The following SLC25A48 variants were observed in gnomAD, a reference collection of about 807,000 sequenced individuals.
SLC25A48 encodes solute carrier family 25 member 48.
A neutral mutation model predicts 32.2 loss-of-function variants in SLC25A48; 29 were observed. The observed-to-expected ratio is 0.90, with a 90% CI of 0.67 to 1.23. The LOEUF (loss-of-function observed/expected upper bound fraction) is 1.23, where lower values mean the gene tolerates loss of function less well. SLC25A48 is among the 50% of genes most tolerant of loss of function. The pLI is 0.00. For missense variants in SLC25A48, 399 were observed against 422.7 expected, an observed-to-expected ratio of 0.94 and a Z score of 0.49; for synonymous variants, 164 against 172.3, an observed-to-expected ratio of 0.95 and a Z score of 0.38.
intron 3 of SLC25A48, among the ~76,000 whole-genome samples, chr5:135,792,077 C>G (rs1580885193): frequency 6.6e-6 from 1 of 151,640 alleles, no homozygotes; most frequent in East Asian, 1.9e-4. Flanking sequence ...GGATATTACT[C>G]CTAATGTCAC....
At chr5:135,841,020 T>C (rs1580960876) in intron 1 of SLC25A48, among the ~76,000 whole-genome samples, 1 of 152,240 alleles carries the variant, frequency 6.6e-6, no homozygotes, top group Non-Finnish European at 1.5e-5. Flanking sequence ...GCTGTATGAT[T>C]TTACATTTCT....
At chr5:135,594,610 G>A (rs552569833) in intron 1 of SLC25A48, among the ~76,000 whole-genome samples, 1 of 152,318 alleles carries the variant, frequency 6.6e-6, no homozygotes, top group South Asian at 2.1e-4. Context: ...GGGGGGTCAT[G>A]GTTGAACTAA....
intron 1 of SLC25A48, among the ~76,000 whole-genome samples, chr5:135,617,575 G>C (rs1055812994): frequency 6.6e-6 from 1 of 150,870 alleles, no homozygotes; most frequent in Non-Finnish European, 1.5e-5. Flanking sequence ...ACTTTTTTGA[G>C]GTACTCATCT....
intron 3 of SLC25A48, among the ~76,000 whole-genome samples, chr5:135,796,336 T>C (rs1331977069): frequency 2.6e-5 from 4 of 151,716 alleles, no homozygotes; most frequent in Non-Finnish European, 5.9e-5. Context: ...TGCACCCCCC[T>C]GTGATATGGT....
intron 3 of SLC25A48, among the ~76,000 whole-genome samples, chr5:135,793,214 G>C: frequency 6.6e-6 from 1 of 151,544 alleles, no homozygotes; most frequent in South Asian, 2.1e-4. Context: ...GTACACCCTG[G>C]ATGTTATTTA....
intron 2 of SLC25A48, among the ~76,000 whole-genome samples, chr5:135,631,434 CT>C (rs1752567048): frequency 6.6e-6 from 1 of 152,192 alleles, no homozygotes; most frequent in Non-Finnish European, 1.5e-5. Flanking sequence ...TATTGGCAGC[CT>C]TTTATCTTCA....
At chr5:135,630,656 C>CAGTG (rs1752538967) in intron 2 of SLC25A48, among the ~76,000 whole-genome samples, 2 of 117,280 alleles carry the variant, frequency 1.7e-5, no homozygotes, top group Non-Finnish European at 3.2e-5. Flanking sequence ...GGCTGGAGTG[C>CAGTG]AGTGGAGTGA....
chr5:135,852,422 C>A, intron 3 of SLC25A48, 141 bp from the exon 4 acceptor site: 1 of 1,040,748 alleles, frequency 9.6e-7, no homozygotes, highest in Non-Finnish European at 1.4e-6. Context: ...CCACCCCCTA[C>A]CTCCTGTCGC....
intron 4 of SLC25A48, among the ~76,000 whole-genome samples, chr5:135,858,141 C>T (rs913018967): frequency 2.0e-5 from 3 of 152,186 alleles, no homozygotes; most frequent in African/African-American, 4.8e-5. Context: ...CTTAAATAAA[C>T]CCCCGAGGCA....
intron 3 of SLC25A48, among the ~76,000 whole-genome samples, chr5:135,727,260 C>T (rs4976325): frequency 0.43 from 61,743 of 144,900 alleles, 14,571 homozygotes; most frequent in Non-Finnish European, 0.54. Context: ...GTAAAAAAAA[C>T]ACTCTAAAAT....
At chr5:135,867,070 G>A (rs1218554720) in intron 4 of SLC25A48, among the ~76,000 whole-genome samples, 1 of 152,166 alleles carries the variant, frequency 6.6e-6, no homozygotes, top group Non-Finnish European at 1.5e-5. Flanking sequence ...GGTCTCAAAT[G>A]CAAAGCATTC....
intron 1 of SLC25A48, among the ~76,000 whole-genome samples, chr5:135,614,267 A>G (rs1752137918): frequency 6.6e-6 from 1 of 152,082 alleles, no homozygotes; most frequent in African/African-American, 2.4e-5. Context: ...TGATTTTTGT[A>G]TATTGATTTG....
At chr5:135,618,865 G>A (rs1202520095) in intron 1 of SLC25A48, among the ~76,000 whole-genome samples, 1 of 149,624 alleles carries the variant, frequency 6.7e-6, no homozygotes, top group Non-Finnish European at 1.5e-5. Flanking sequence ...TCTTCTGTTA[G>A]TCTGATAGGG....
At chr5:135,798,000 C>A (rs1472248462) in intron 3 of SLC25A48, among the ~76,000 whole-genome samples, 1 of 151,800 alleles carries the variant, frequency 6.6e-6, no homozygotes, top group Non-Finnish European at 1.5e-5. Flanking sequence ...TGATATTACA[C>A]CCAATATTAC....
intron 3 of SLC25A48, among the ~76,000 whole-genome samples, chr5:135,777,015 T>G (rs1259687114): frequency 6.6e-6 from 1 of 151,730 alleles, no homozygotes; most frequent in Non-Finnish European, 1.5e-5. Context: ...CCCCCTTTTA[T>G]GATGTTTTTC....
At chr5:135,728,275 T>G (rs1580819250) in intron 3 of SLC25A48, among the ~76,000 whole-genome samples, 1 of 149,420 alleles carries the variant, frequency 6.7e-6, no homozygotes, top group South Asian at 2.1e-4. Context: ...AAAAAAAATG[T>G]GGCTTTCTAT....
intron 1 of SLC25A48, among the ~76,000 whole-genome samples, chr5:135,596,533 C>G (rs1751655282): frequency 6.6e-6 from 1 of 152,188 alleles, no homozygotes; most frequent in Non-Finnish European, 1.5e-5. Flanking sequence ...CTTCTCTTCA[C>G]TTCCATTGTC....
chr5:135,584,987 A>G (rs544404328), intron 1 of SLC25A48, among the ~76,000 whole-genome samples: 18 of 152,364 alleles, frequency 1.2e-4, no homozygotes, highest in African/African-American at 3.6e-4. Context: ...ACTCAGGAGC[A>G]GTTGATTCAG....
intron 3 of SLC25A48, among the ~76,000 whole-genome samples, chr5:135,801,946 C>T (rs1360369895): frequency 6.6e-6 from 1 of 151,756 alleles, no homozygotes; most frequent in Non-Finnish European, 1.5e-5. Context: ...GATGATATTA[C>T]TCCCAATATT....
Sources: allele counts gnomAD v4.1 joint callset (sites outside exome capture counted in the v4.1 genomes callset), GRCh38; gene constraint gnomAD v4.1.1; transcripts MANE v1.5; gene names NCBI Gene and HGNC (gene_info 2026-07-23, HGNC 2026-07-21).